Variants in C21orf91 observed in about 807,000 individuals in gnomAD.
The protein encoded by C21orf91 is protein EURL homolog.
C21orf91 carries 26 observed loss-of-function variants against 32.9 expected under a neutral mutation model. The ratio of observed to expected loss-of-function variants is 0.79; its 90% confidence interval spans 0.58 to 1.10. The LOEUF (loss-of-function observed/expected upper bound fraction) is 1.10. C21orf91 is among the 50% of genes least tolerant of loss of function. The probability of loss-of-function intolerance (pLI) is 0.00; values close to 1 mark genes in which losing one functional copy is unlikely to be tolerated. For missense variants in C21orf91, 310 were observed against 341.3 expected (o/e 0.91, Z 0.72); for synonymous variants, 126 against 120.4 (o/e 1.05, Z -0.31).
intron 2 of C21orf91, among the ~76,000 whole-genome samples, chr21:17,807,432 T>A (rs533323464): frequency 2.0e-5 from 3 of 152,302 alleles, no homozygotes; most frequent in South Asian, 2.1e-4. Flanking sequence ...TAGTTCTTTA[T>A]AGCAATGCAA....
At chr21:17,809,513 G>A (rs1489149882) in intron 2 of C21orf91, among the ~76,000 whole-genome samples, 1 of 152,172 alleles carries the variant, frequency 6.6e-6, no homozygotes, top group African/African-American at 2.4e-5. Flanking sequence ...TTAAGTTCAT[G>A]GTAGATATTA....
At position 17,790,727 on chromosome 21, in the gene C21orf91, G is replaced by A. The variant is rs2062466813; in HGVS notation, c.*2688C>T. 6.6e-6 allele frequency: 1 copy of A among 152,090 alleles called. No individual in the cohort carries two copies. The highest frequency in any genetic ancestry group is 6.6e-5 in the Admixed American group (1 of 15,264). The allele number at this position is 152,090 out of a possible 1,614,324, so 9.4% of individuals were successfully genotyped here. ...TTAGATATTAATATGAGGATCAAAGGATAAGATGATAATCTCAAAGTAAAA... is the reference window on the plus strand; with the variant it reads ...TTAGATATTAATATGAGGATCAAAGAATAAGATGATAATCTCAAAGTAAAA... On this transcript the variant is annotated 3_prime_UTR_variant, in exon 5 of 5. Transcript: ENST00000284881.
chr21:17,804,467 T>C (rs1412407131), intron 2 of C21orf91, among the ~76,000 whole-genome samples: 2 of 152,224 alleles, frequency 1.3e-5, no homozygotes, highest in East Asian at 1.9e-4. Flanking sequence ...AATGACTAAA[T>C]AGTCTGCCAT....
intron 2 of C21orf91, among the ~76,000 whole-genome samples, chr21:17,799,650 A>AG (rs1216852995): frequency 6.6e-6 from 1 of 152,086 alleles, no homozygotes; most frequent in African/African-American, 2.4e-5. Context: ...ATTTCCCCTA[A>AG]GAAGCCTTGT....
intron 2 of C21orf91, among the ~76,000 whole-genome samples, chr21:17,806,235 C>A (rs1315014226): frequency 6.6e-6 from 1 of 152,158 alleles, no homozygotes; most frequent in Non-Finnish European, 1.5e-5. Flanking sequence ...TAACACGAAC[C>A]TGCTTACTGC....
chr21:17,818,709 C>T (rs1226157089), intron 1 of C21orf91: 1 of 161,620 alleles, frequency 6.2e-6, no homozygotes, highest in Non-Finnish European at 1.3e-5. Context: ...CTAGTTAACG[C>T]TGTGAGAAAC....
rs2062458307 is a variant in C21orf91, at chr21:17,789,749, C to G, written c.*3666G>C. On this transcript the variant is annotated 3_prime_UTR_variant, in exon 5 of 5. Transcript: ENST00000284881. Reference sequence around the variant, plus strand: ...AATACTGAGATGCAAGCATTATAGCCCTCCTCCAAGTTACCTTTATTTTGT... The same window carrying G: ...AATACTGAGATGCAAGCATTATAGCGCTCCTCCAAGTTACCTTTATTTTGT... 6.6e-6 allele frequency: 1 copy of G among 151,958 alleles called. No homozygotes were observed. Among genetic ancestry groups the G allele is most frequent in the South Asian group, 2.1e-4 (1 of 4,824 alleles). The allele number at this position is 151,958 out of a possible 1,614,324, so 9.4% of individuals were successfully genotyped here.
In C21orf91 at chr21:17,789,748, CCCT is replaced by C. The variant is rs2062458345; in HGVS notation, c.*3664_*3666del. 6.6e-6 allele frequency: 1 copy of C among 151,982 alleles called. No homozygotes were observed. Among genetic ancestry groups the C allele is most frequent in the South Asian group, 2.1e-4 (1 of 4,818 alleles). 9.4% of individuals were successfully genotyped at this position (151,982 alleles called of 1,614,324 possible). A position where few individuals can be genotyped will look rare whatever the true frequency, so the allele number is the denominator to read the frequency against. On this transcript the variant is annotated 3_prime_UTR_variant, in exon 5 of 5. Transcript: ENST00000284881. ...AAATACTGAGATGCAAGCATTATAG[CCCT>C]CCTCCAAGTTACCTTTATTTTGTGT... is the stretch of plus-strand genomic sequence containing the variant.
At chr21:17,802,035 A>C (rs1026747870) in intron 2 of C21orf91, among the ~76,000 whole-genome samples, 2 of 152,178 alleles carry the variant, frequency 1.3e-5, no homozygotes, top group Non-Finnish European at 1.5e-5. Context: ...CCCATCTGGC[A>C]TGCTATCCCC....
chr21:17,793,149 T>C lies in C21orf91; in HGVS notation c.*266A>G. ...TAAAATGTTTAATAAAATGACACTG[T>C]AACAGTATATTTAAGTAGTCACATG... On this transcript the variant is annotated 3_prime_UTR_variant, in exon 5 of 5. Coordinates refer to ENST00000284881, the MANE Select transcript of C21orf91 (RefSeq NM_001100420.2). 1 of 242,670 alleles carries C rather than the reference T, an allele frequency of 4.1e-6. No individual in the cohort carries two copies. Among genetic ancestry groups the C allele is most frequent in the Admixed American group, 5.3e-5 (1 of 18,870 alleles). 15.0% of individuals were successfully genotyped at this position (242,670 alleles called of 1,614,324 possible). A position where few individuals can be genotyped will look rare whatever the true frequency, so the allele number is the denominator to read the frequency against.
Position 17,818,206 on chromosome 21 carries a change from TCAAAA to T in C21orf91, c.108_112del (p.Cys36Ter), listed in dbSNP as rs758559992. ...TGTGTCCTTACCCTCAATATTTAGC[TCAAAA>T]CAAATGTGGCAGAAGGAGAGTGTTT... On this transcript the variant is annotated stop_gained and frameshift_variant, in exon 2 of 5. Coordinates refer to ENST00000284881, the MANE Select transcript of C21orf91 (RefSeq NM_001100420.2). LOFTEE classifies it high-confidence loss of function. 1.2e-6 allele frequency: 2 copies of T among 1,610,558 alleles called. No individual in the cohort carries two copies. Among genetic ancestry groups the T allele is most frequent in the South Asian group, 2.2e-5 (2 of 90,968 alleles).
intron 4 of C21orf91, among the ~76,000 whole-genome samples, chr21:17,794,793 G>C (rs561034319): frequency 6.6e-6 from 1 of 152,022 alleles, no homozygotes; most frequent in Non-Finnish European, 1.5e-5. Flanking sequence ...GTGGCTGGGC[G>C]CAGTGGCTCA....
rs1164277950 is a variant in C21orf91 at position 17,793,585 on chromosome 21, TA to T, written c.728-5del. 10 of 1,592,742 alleles carry T rather than the reference TA, an allele frequency of 6.3e-6. No homozygotes were observed. The Middle Eastern group carries it at 6.7e-4, about 107-fold the overall frequency. ...TGAGTTAACTCTTCAAAAACTTCTG[TA>T]AAAGATTTAAAAACTTTCATTTTTA... On this transcript the variant is annotated splice_region_variant and splice_polypyrimidine_tract_variant and intron_variant, in intron 4 of 4. Coordinates refer to ENST00000284881, the MANE Select transcript of C21orf91 (RefSeq NM_001100420.2).
rs1402409557 is a variant in C21orf91, at chr21:17,790,826, T to C, written c.*2589A>G. On this transcript the variant is annotated 3_prime_UTR_variant, in exon 5 of 5. Coordinates refer to ENST00000284881, the MANE Select transcript of C21orf91 (RefSeq NM_001100420.2). Reference sequence around the variant, plus strand: ...ACCTGTGTGGTCAAAAACACTTTTCTAATTTTTAAAACTCAATTTAACGTG... The same window carrying C: ...ACCTGTGTGGTCAAAAACACTTTTCCAATTTTTAAAACTCAATTTAACGTG... 6.6e-6 allele frequency: 1 copy of C among 152,156 alleles called. No homozygotes were observed. Among genetic ancestry groups the C allele is most frequent in the African/African-American group, 2.4e-5 (1 of 41,474 alleles). 9.4% of individuals were successfully genotyped at this position (152,156 alleles called of 1,614,324 possible).
chr21:17,802,706 G>A (rs1443110174), intron 2 of C21orf91, among the ~76,000 whole-genome samples: 1 of 152,184 alleles, frequency 6.6e-6, no homozygotes, highest in Non-Finnish European at 1.5e-5. Flanking sequence ...AAGTAAGCTA[G>A]GCAATCTTTT....
At chr21:17,794,896 C>T (rs1236397476) in intron 4 of C21orf91, among the ~76,000 whole-genome samples, 1 of 151,596 alleles carries the variant, frequency 6.6e-6, no homozygotes, top group African/African-American at 2.4e-5. Flanking sequence ...ATGAAACCCC[C>T]TCCCTATAAA....
intron 2 of C21orf91, among the ~76,000 whole-genome samples, chr21:17,799,034 C>T (rs1017837632): frequency 1.3e-5 from 2 of 152,306 alleles, no homozygotes; most frequent in African/African-American, 4.8e-5. Context: ...CGTAAATGGT[C>T]TCATTCTCAG....
At chr21:17,797,270 G>A (rs2062526965) in intron 2 of C21orf91, 152 bp from the exon 3 acceptor site, 1 of 503,160 alleles carries the variant, frequency 2.0e-6, no homozygotes, top group Non-Finnish European at 3.5e-6. Context: ...TATACAATGT[G>A]GCCTAATAAT....
At chr21:17,800,510 G>A (rs1358321775) in intron 2 of C21orf91, among the ~76,000 whole-genome samples, 1 of 152,128 alleles carries the variant, frequency 6.6e-6, no homozygotes, top group East Asian at 1.9e-4. Flanking sequence ...AACAACCATT[G>A]CTATTTCAAG....
Sources: gnomAD v4.1 joint callset for allele counts (sites outside exome capture counted in the v4.1 genomes callset) on GRCh38, gnomAD v4.1.1 for gene constraint, MANE v1.5 for transcripts, NCBI Gene and HGNC (gene_info 2026-07-23, HGNC 2026-07-21) for gene names.